Variants in HMGN1 observed in about 807,000 individuals in gnomAD.
HMGN1 encodes high mobility group nucleosome binding domain 1, also known as non-histone chromosomal protein HMG-14.
Under a neutral mutation model 18.4 loss-of-function variants are expected in HMGN1, and 9 were observed. That is an observed-to-expected ratio of 0.49 (90% confidence interval 0.29 to 0.85). HMGN1 has a LOEUF of 0.85. HMGN1 is among the 40% of genes least tolerant of loss of function. The pLI is 0.07. For synonymous variants in HMGN1, 59 were observed against 45.0 expected, an observed-to-expected ratio of 1.31 and a Z score of -1.24; for missense variants, 151 against 119.2, an observed-to-expected ratio of 1.27 and a Z score of -1.24.
chr21:39,346,337 A>C (rs2037053294), intron 4 of HMGN1: 2 of 189,412 alleles, frequency 1.1e-5, no homozygotes, highest in Admixed American at 1.1e-4. Context: ...ACAAATGATA[A>C]ATGTATTTGA....
At chr21:39,343,209 T>G in intron 5 of HMGN1, 50 bp from the exon 6 acceptor site, 1 of 1,500,746 alleles carries the variant, frequency 6.7e-7, no homozygotes, top group South Asian at 1.2e-5. Context: ...CGTTGTCGTT[T>G]TATTTATATG....
At chr21:39,347,532 C>A in intron 4 of HMGN1, 1 of 645,028 alleles carries the variant, frequency 1.6e-6, no homozygotes, top group Non-Finnish European at 2.6e-6. Flanking sequence ...TTTGAGACTT[C>A]AAATAGCAAA....
At chr21:39,347,162 C>T (rs1468576038) in intron 4 of HMGN1, 2 of 203,158 alleles carry the variant, frequency 9.8e-6, no homozygotes, top group Admixed American at 6.1e-5. Flanking sequence ...TTCAAGTTTC[C>T]GTGCTGTTCT....
intron 4 of HMGN1, chr21:39,347,648 CAT>C (rs1312464453): frequency 5.2e-5 from 17 of 326,634 alleles, no homozygotes; most frequent in African/African-American, 1.8e-4. Flanking sequence ...TTGTTTTACA[CAT>C]GTTCTGCTTT....
Position 39,345,249 on chromosome 21 carries a change from T to C in HMGN1, c.152A>G (p.Gln51Arg). 1 of 1,613,686 alleles carries C rather than the reference T, an allele frequency of 6.2e-7. No homozygotes were observed. The highest frequency in any genetic ancestry group is 8.5e-7 in the Non-Finnish European group (1 of 1,179,754). The change falls in exon 5 of 6, where the codon CAA becomes CGA. Residue 51 changes from glutamine to arginine, a missense_variant. By Grantham distance (43) the Gln-to-Arg change is conservative. Coordinates refer to ENST00000380749, the MANE Select transcript of HMGN1 (RefSeq NM_004965.7). ...CTTTGCTCCCCTTTTCCCTTTTGTT[T>C]GCACTTTTTTGTCTGAAGATTTATC... is the stretch of plus-strand genomic sequence containing the variant. ...AKDKSSDKKV[Q>R]TKGKRGAKGK...
chr21:39,345,595 T>C, intron 4 of HMGN1: 1 of 409,794 alleles, frequency 2.4e-6, no homozygotes, highest in South Asian at 2.1e-5. Flanking sequence ...GAGATTTTAA[T>C]AGTACTTGCA....
At chr21:39,345,008 C>G in intron 5 of HMGN1, 138 bp downstream of exon 5, 1 of 1,047,894 alleles carries the variant, frequency 9.5e-7, no homozygotes, top group Non-Finnish European at 1.3e-6. Context: ...TGTCCAATCA[C>G]TTTGGGATAC....
chr21:39,347,500 G>T, intron 4 of HMGN1: 2 of 1,201,542 alleles, frequency 1.7e-6, no homozygotes, highest in South Asian at 1.3e-5. Flanking sequence ...GGAAAGAGGT[G>T]AAGGCATTAA....
rs938993459 is a variant in HMGN1, at chr21:39,347,503, G to A, written c.126+789C>T. The A allele has an allele frequency of 1.1e-5, 13 of 1,172,340 alleles. No individual in the cohort carries two copies. In the African/African-American group the frequency reaches 1.3e-4, roughly 11 times the overall value. The allele number at this position is 1,172,340 out of a possible 1,614,324, so 72.6% of individuals were successfully genotyped here. On this transcript the variant is annotated intron_variant, in intron 4 of 5. Transcript: ENST00000380749. ...CCTACACTTTTAGGAAAGAGGTGAAGGCATTAACAAAAATTTTTTTTGAGA... is the reference window on the plus strand; with the variant it reads ...CCTACACTTTTAGGAAAGAGGTGAAAGCATTAACAAAAATTTTTTTTGAGA...
At chr21:39,345,103 A>C (rs1422163785) in intron 5 of HMGN1, 43 bp downstream of exon 5, 1 of 1,490,900 alleles carries the variant, frequency 6.7e-7, no homozygotes, top group Non-Finnish European at 8.9e-7. Flanking sequence ...TTCAGAGTCA[A>C]AGCAATCACA....
At chr21:39,346,949 A>T (rs1444579736) in intron 4 of HMGN1, 1 of 152,304 alleles carries the variant, frequency 6.6e-6, no homozygotes, top group African/African-American at 2.4e-5. Context: ...TGTTTTCATT[A>T]AAAAATTCAC....
chr21:39,348,136 T>C, intron 4 of HMGN1, 156 bp downstream of exon 4: 1 of 973,182 alleles, frequency 1.0e-6, no homozygotes, highest in Non-Finnish European at 1.5e-6. Flanking sequence ...GATGAATATA[T>C]CCATTACATT....
chr21:39,346,505 T>C (rs1419365251), intron 4 of HMGN1: 1 of 152,982 alleles, frequency 6.5e-6, no homozygotes, highest in Middle Eastern at 3.2e-3. Flanking sequence ...TAAAATAGAA[T>C]ACATAATATC....
chr21:39,348,677 C>G (rs1355045729), intron 1 of HMGN1, 100 bp from the exon 2 acceptor site: 40 of 1,389,982 alleles, frequency 2.9e-5, no homozygotes, highest in Non-Finnish European at 3.6e-5. Flanking sequence ...GACGTCACGG[C>G]TTCCCGCCGC....
In HMGN1 at chr21:39,348,329, G is replaced by A. The variant is rs758885000; in HGVS notation, c.89C>T (p.Ala30Val). The change falls in exon 4 of 6, where the codon GCA (alanine) becomes GTA (valine). Residue 30 changes from alanine (A) to valine (V), a missense_variant. Transcript: ENST00000380749. ...CTTTTTCGGCTTCGCTTCCACTTTTGCAGGAGGTTTCTGAAAGGCAAAAGC... is the reference window on the plus strand; with the variant it reads ...CTTTTTCGGCTTCGCTTCCACTTTTACAGGAGGTTTCTGAAAGGCAAAAGC... ...RSARLSAKPP[A>V]KVEAKPKKAA... The A allele has an allele frequency of 4.3e-6, 7 of 1,614,022 alleles. No individual in the cohort carries two copies. The Admixed American group carries it at 8.3e-5, about 19-fold the overall frequency.
In HMGN1 at chr21:39,343,173, G is replaced by C; in HGVS notation, c.256-14C>G. 1 of 1,587,308 alleles carries C rather than the reference G, an allele frequency of 6.3e-7. No individual in the cohort carries two copies. The highest frequency in any genetic ancestry group is 8.6e-7 in the Non-Finnish European group (1 of 1,165,774). ...AGAGGCTGGACTCTGCAAAAGAAAG[G>C]AAATTGAGATCTTTAGCATTTAACA... On this transcript the variant is annotated splice_polypyrimidine_tract_variant and intron_variant, in intron 5 of 5. Coordinates refer to ENST00000380749, the MANE Select transcript of HMGN1 (RefSeq NM_004965.7).
chr21:39,346,015 T>C, intron 4 of HMGN1: 1 of 1,104,412 alleles, frequency 9.1e-7, no homozygotes, highest in South Asian at 1.3e-5. Context: ...AGTTCAAAAT[T>C]TAAGCCATGT....
chr21:39,348,475 C>G, intron 2 of HMGN1, 24 bp from the exon 3 acceptor site: 1 of 1,614,152 alleles, frequency 6.2e-7, no homozygotes, highest in Non-Finnish European at 8.5e-7. Context: ...AAAGGAGAGT[C>G]AGCGAGAAGA....
chr21:39,345,718 T>C (rs1255897239), intron 4 of HMGN1: 8 of 650,584 alleles, frequency 1.2e-5, no homozygotes, highest in Non-Finnish European at 1.7e-5. Context: ...TGTCATGAAG[T>C]TGAATACCGG....
Sources: allele counts gnomAD v4.1 joint callset, GRCh38; gene constraint gnomAD v4.1.1; transcripts MANE v1.5; gene names NCBI Gene and HGNC (gene_info 2026-07-23, HGNC 2026-07-21).